Variants in CNTNAP5 observed in about 807,000 individuals in gnomAD.
CNTNAP5 encodes contactin-associated protein-like 5.
A neutral mutation model predicts 150.2 loss-of-function variants in CNTNAP5; 72 were observed. That is an observed-to-expected ratio of 0.48 (90% confidence interval 0.40 to 0.58). The LOEUF is 0.58. Ranked by LOEUF, CNTNAP5 falls within the 20% of genes least tolerant of loss-of-function variation. The pLI is 0.00. For synonymous variants in CNTNAP5, 672 were observed against 619.8 expected (o/e 1.08, Z -1.25); for missense variants, 1,636 against 1,626.2 (o/e 1.01, Z -0.10).
At chr2:124,101,110 T>A (rs1002194467) in intron 1 of CNTNAP5, among the ~76,000 whole-genome samples, 2 of 152,118 alleles carry the variant, frequency 1.3e-5, no homozygotes, top group African/African-American at 4.8e-5. Flanking sequence ...ATTGAGGAGA[T>A]ATGCGAATGC....
At chr2:124,708,244 C>A (rs772036133) in intron 13 of CNTNAP5, among the ~76,000 whole-genome samples, 4 of 152,094 alleles carry the variant, frequency 2.6e-5, no homozygotes, top group African/African-American at 4.8e-5. Context: ...ATGGAGGTAT[C>A]CACAGGCAAA....
chr2:124,413,164 AT>A (rs1244618641), intron 3 of CNTNAP5, among the ~76,000 whole-genome samples: 1 of 136,838 alleles, frequency 7.3e-6, no homozygotes, highest in Non-Finnish European at 1.6e-5. Flanking sequence ...AGAAATGCAA[AT>A]CAAAACCACA....
chr2:124,453,656 G>A (rs1693044187), intron 6 of CNTNAP5, among the ~76,000 whole-genome samples: 1 of 152,078 alleles, frequency 6.6e-6, no homozygotes, highest in Non-Finnish European at 1.5e-5. Context: ...ACCTACAAAG[G>A]AAAACCTATC....
chr2:124,087,947 A>C (rs931313156), intron 1 of CNTNAP5, among the ~76,000 whole-genome samples: 1 of 152,116 alleles, frequency 6.6e-6, no homozygotes, highest in Non-Finnish European at 1.5e-5. Flanking sequence ...GGTCGATCCT[A>C]TCTTTGGTTT....
At chr2:124,026,188 G>A (rs937460405) in intron 1 of CNTNAP5, among the ~76,000 whole-genome samples, 2 of 152,166 alleles carry the variant, frequency 1.3e-5, no homozygotes, top group Admixed American at 6.5e-5. Flanking sequence ...CCCACGATAC[G>A]TGGCTCTGCG....
chr2:124,246,366 C>T (rs1053353390), intron 3 of CNTNAP5, among the ~76,000 whole-genome samples: 1 of 152,012 alleles, frequency 6.6e-6, no homozygotes, highest in Non-Finnish European at 1.5e-5. Flanking sequence ...TAGTGATGCA[C>T]CATGATTTAT....
intron 12 of CNTNAP5, among the ~76,000 whole-genome samples, chr2:124,638,148 T>A (rs894631943): frequency 1.3e-4 from 19 of 150,154 alleles, no homozygotes; most frequent in Non-Finnish European, 2.7e-4. Flanking sequence ...CATTAGATTC[T>A]TTTCTCATCA....
At chr2:124,541,083 C>G (rs1695370310) in intron 10 of CNTNAP5, among the ~76,000 whole-genome samples, 1 of 151,482 alleles carries the variant, frequency 6.6e-6, no homozygotes, top group East Asian at 2.0e-4. Flanking sequence ...CTAAGAACCT[C>G]TGGCTGATGA....
intron 7 of CNTNAP5, among the ~76,000 whole-genome samples, chr2:124,489,062 GT>G (rs1693958645): frequency 6.6e-6 from 1 of 152,188 alleles, no homozygotes; most frequent in Non-Finnish European, 1.5e-5. Context: ...ATTGTTTAAA[GT>G]TCACAATGAA....
Position 124,510,301 on chromosome 2 carries a change from C to CTATATATCTATATATATATATCTA in CNTNAP5, c.1327+5752_1327+5753insCTATATATATATATCTATATATAT, listed in dbSNP as rs1553474658. ...TATCTATATCTATATATCTATATAT[C>CTATATATCTATATATATATATCTA]TATATATATATCTATATATCTATCT... On this transcript the variant is annotated intron_variant, in intron 8 of 23. Transcript: ENST00000682447. 5.7e-5 allele frequency among the ~76,000 whole-genome samples: 6 copies of CTATATATCTATATATATATATCTA among 106,056 alleles called. 1 individual carries two copies. The highest frequency in any genetic ancestry group is 5.0e-4 in the East Asian group (2 of 3,988). The allele number at this position is 106,056 out of a possible 152,430, so 69.6% of individuals were successfully genotyped here.
chr2:124,268,746 G>T (rs2104609932), intron 3 of CNTNAP5, among the ~76,000 whole-genome samples: 1 of 152,238 alleles, frequency 6.6e-6, no homozygotes, highest in South Asian at 2.1e-4. Context: ...CACTGCCCCA[G>T]TGTCTACACC....
chr2:124,558,488 C>T lies in CNTNAP5; in HGVS notation c.1650-4729C>T, dbSNP rs73952809. 2.5e-3 allele frequency among the ~76,000 whole-genome samples: 376 copies of T among 152,292 alleles called. 2 individuals carry two copies. Among genetic ancestry groups the T allele is most frequent in the African/African-American group, 8.4e-3 (349 of 41,552 alleles). On this transcript the variant is annotated intron_variant, in intron 10 of 23. Coordinates refer to ENST00000682447, the MANE Select transcript of CNTNAP5 (RefSeq NM_001367498.1). ...CCAGCAGACAGCTGCGTAGAGGAGT[C>T]TGGAGTTCAGGAGCGAAGACTGAAC...
intron 19 of CNTNAP5, among the ~76,000 whole-genome samples, chr2:124,820,331 A>G (rs1682458637): frequency 6.6e-6 from 1 of 152,080 alleles, no homozygotes; most frequent in Admixed American, 6.5e-5. Flanking sequence ...CCATTCTATC[A>G]CACATTGAGA....
chr2:124,561,400 A>C (rs1206051916), intron 10 of CNTNAP5, among the ~76,000 whole-genome samples: 1 of 152,186 alleles, frequency 6.6e-6, no homozygotes, highest in Non-Finnish European at 1.5e-5. Context: ...CTCCCAGCAC[A>C]GGCATAGAGC....
chr2:124,560,197 T>A (rs929834912), intron 10 of CNTNAP5, among the ~76,000 whole-genome samples: 4 of 152,174 alleles, frequency 2.6e-5, no homozygotes, highest in African/African-American at 9.6e-5. Flanking sequence ...GATTTTGTAA[T>A]CTTTTGTTTT....
Position 124,882,256 on chromosome 2 carries a change from G to A in CNTNAP5, c.3436+12494G>A, listed in dbSNP as rs906881324. Among the ~76,000 whole-genome samples, 4 of 152,170 alleles carry A rather than the reference G, an allele frequency of 2.6e-5. No individual in the cohort carries two copies. The South Asian group carries it at 6.2e-4, about 24-fold the overall frequency. On this transcript the variant is annotated intron_variant, in intron 21 of 23. Coordinates refer to ENST00000682447, the MANE Select transcript of CNTNAP5 (RefSeq NM_001367498.1). The stretch of plus-strand genomic sequence containing the variant: ...TGAATAGGTGAGGTTAGAAAGGAGC[G>A]AGAATGAACCACTCAGCCCACTGAC...
chr2:124,204,611 G>A (rs1685815806), intron 1 of CNTNAP5, among the ~76,000 whole-genome samples: 1 of 152,166 alleles, frequency 6.6e-6, no homozygotes, highest in African/African-American at 2.4e-5. Flanking sequence ...GTTACATATG[G>A]CTGGAAAGGC....
intron 9 of CNTNAP5, among the ~76,000 whole-genome samples, chr2:124,525,875 A>G (rs1694953222): frequency 6.6e-6 from 1 of 152,226 alleles, no homozygotes; most frequent in Non-Finnish European, 1.5e-5. Context: ...GTGCAAGGCC[A>G]TAGAGCTCAT....
In CNTNAP5 at chr2:124,351,739, A is replaced by T. The variant is rs190351521; in HGVS notation, c.382-65704A>T. 3.3e-4 allele frequency among the ~76,000 whole-genome samples: 51 copies of T among 152,324 alleles called. No individual in the cohort carries two copies. The East Asian group carries it at 9.1e-3, about 27-fold the overall frequency. ...AAAAGACCTGGGGCATTGTATAACA[A>T]TTGGTAGTGTCGAAGAATATTTTAC... On this transcript the variant is annotated intron_variant, in intron 3 of 23. Transcript: ENST00000682447.
Sources: gnomAD v4.1 joint callset for allele counts (sites outside exome capture counted in the v4.1 genomes callset) on GRCh38, gnomAD v4.1.1 for gene constraint, MANE v1.5 for transcripts, NCBI Gene and HGNC (gene_info 2026-07-23, HGNC 2026-07-21) for gene names.